Variants in PCDHGA1 observed in about 807,000 individuals in gnomAD.
PCDHGA1 encodes the protein protocadherin gamma-A1.
In PCDHGA1, 32 loss-of-function variants were observed where a neutral mutation model predicts 58.0. The observed-to-expected ratio is 0.55, with a 90% CI of 0.42 to 0.74. The LOEUF (loss-of-function observed/expected upper bound fraction) is 0.74. Among genes scored for constraint, PCDHGA1 ranks in the 30% least tolerant of loss-of-function variants. PCDHGA1 has a pLI of 0.00. For missense variants in PCDHGA1, 1,205 were observed against 1,182.3 expected (o/e 1.02, Z -0.28); for synonymous variants, 498 against 501.1 (o/e 0.99, Z 0.08).
rs919375073 is a variant in PCDHGA1 at position 141,490,642 on chromosome 5, C to A, written c.2422-4165C>A. On this transcript the variant is annotated intron_variant, in intron 1 of 3. Coordinates refer to ENST00000517417, the MANE Select transcript of PCDHGA1 (RefSeq NM_018912.3). This position sits in a 1 kb window ranked among gnomAD's most constrained non-coding sequence, Gnocchi z 5.4. ...CACTGCTTACATCCTAGAAAACCGG[C>A]CTCCGGGCTCCCTTCTTTGCACTGT... 4.3e-6 allele frequency: 7 copies of A among 1,614,102 alleles called. No individual in the cohort carries two copies. In the African/African-American group the frequency reaches 6.7e-5, roughly 15 times the overall value.
At chr5:141,442,689 G>A (rs966261716) in intron 1 of PCDHGA1, among the ~76,000 whole-genome samples, 1 of 152,238 alleles carries the variant, frequency 6.6e-6, no homozygotes, top group South Asian at 2.1e-4. Context: ...CAGTAGTCAG[G>A]CAGACAAGAG....
chr5:141,504,937 G>A (rs1350441435), intron 2 of PCDHGA1, among the ~76,000 whole-genome samples: 2 of 152,054 alleles, frequency 1.3e-5, no homozygotes, highest in East Asian at 1.9e-4. Context: ...GGTGGGTGGG[G>A]GAATGCACTA....
intron 1 of PCDHGA1, chr5:141,418,778 T>C (rs1256260275): frequency 6.2e-7 from 1 of 1,613,744 alleles, no homozygotes; most frequent in Non-Finnish European, 8.5e-7. Context: ...TCAGCAGCCT[T>C]TGGATTTTGA....
intron 1 of PCDHGA1, chr5:141,341,676 C>G (rs1015055420): frequency 1.7e-6 from 1 of 594,596 alleles, no homozygotes; most frequent in Non-Finnish European, 2.8e-6. Flanking sequence ...GTTTCTTATA[C>G]TTTCTTCTCC....
intron 1 of PCDHGA1, among the ~76,000 whole-genome samples, chr5:141,369,266 C>T (rs1021396846): frequency 2.0e-5 from 3 of 152,132 alleles, no homozygotes; most frequent in African/African-American, 7.2e-5. Context: ...ATTATAAGGA[C>T]TTACAATTCA....
chr5:141,393,893 T>C (rs761049644), intron 1 of PCDHGA1: 7 of 1,614,034 alleles, frequency 4.3e-6, no homozygotes, highest in Non-Finnish European at 5.1e-6. Flanking sequence ...TAGAAAATTC[T>C]CTTCCCGGGA....
Position 141,485,468 on chromosome 5 carries a change from A to G in PCDHGA1, c.2422-9339A>G. On this transcript the variant is annotated intron_variant, in intron 1 of 3. Coordinates refer to ENST00000517417, the MANE Select transcript of PCDHGA1 (RefSeq NM_018912.3). This position sits in a 1 kb window ranked among gnomAD's most constrained non-coding sequence, Gnocchi z 5.7. The stretch of plus-strand genomic sequence containing the variant: ...CGACCGAGAGGCACTGTGTGGGCTC[A>G]GTGCCAGCTGCATCGTGCCCCTGGA... 1 of 1,614,166 alleles carries G rather than the reference A, an allele frequency of 6.2e-7. No homozygotes were observed. Among genetic ancestry groups the G allele is most frequent in the Non-Finnish European group, 8.5e-7 (1 of 1,180,020 alleles).
At chr5:141,466,508 T>C (rs2099123841) in intron 1 of PCDHGA1, among the ~76,000 whole-genome samples, 1 of 152,190 alleles carries the variant, frequency 6.6e-6, no homozygotes, top group African/African-American at 2.4e-5. Context: ...ACAGACAAGA[T>C]CATTTTTTTT....
At chr5:141,378,957 A>T (rs1303880032) in intron 1 of PCDHGA1, 2 of 152,224 alleles carry the variant, frequency 1.3e-5, no homozygotes, top group Non-Finnish European at 2.9e-5. Context: ...AGTACAGGGG[A>T]TTCTCTAATT....
chr5:141,441,633 C>T, intron 1 of PCDHGA1: 1 of 226,756 alleles, frequency 4.4e-6, no homozygotes, highest in Non-Finnish European at 8.9e-6. Flanking sequence ...CCTGGAGCCA[C>T]AGGCGCTGTG....
intron 1 of PCDHGA1, among the ~76,000 whole-genome samples, chr5:141,438,647 CACACAT>C (rs1324641788): frequency 3.8e-5 from 4 of 106,486 alleles, no homozygotes; most frequent in South Asian, 2.8e-4. Flanking sequence ...CACACACACA[CACACAT>C]ATATGTATAT....
chr5:141,393,304 T>A, intron 1 of PCDHGA1: 1 of 1,613,798 alleles, frequency 6.2e-7, no homozygotes, highest in African/African-American at 1.3e-5. Flanking sequence ...GATGTGGGCG[T>A]GAACTCCCTC....
intron 1 of PCDHGA1, chr5:141,379,491 C>T (rs1173749207): frequency 6.6e-6 from 1 of 152,150 alleles, no homozygotes; most frequent in Non-Finnish European, 1.5e-5. Context: ...ACTATACTAC[C>T]AATTTGGGAT....
intron 1 of PCDHGA1, among the ~76,000 whole-genome samples, chr5:141,473,736 G>A (rs1278322296): frequency 1.3e-5 from 2 of 152,202 alleles, no homozygotes; most frequent in Non-Finnish European, 2.9e-5. Flanking sequence ...AGAGGGAGAA[G>A]ACATGAGAAC....
chr5:141,373,804 T>C, intron 1 of PCDHGA1: 1 of 335,232 alleles, frequency 3.0e-6, no homozygotes, highest in Non-Finnish European at 5.4e-6. Flanking sequence ...ATCCTCTGTG[T>C]GATAGTTTCA....
chr5:141,480,074 A>G (rs976924380), intron 1 of PCDHGA1, among the ~76,000 whole-genome samples: 5 of 152,196 alleles, frequency 3.3e-5, no homozygotes, highest in Non-Finnish European at 7.3e-5. Flanking sequence ...TATAAGATTC[A>G]TGCATGATAT....
chr5:141,419,007 GGT>G (rs1181124538), intron 1 of PCDHGA1: 1 of 1,613,978 alleles, frequency 6.2e-7, no homozygotes, highest in South Asian at 1.1e-5. Flanking sequence ...GGGGAAGTCA[GGT>G]GTAGCTTAAG....
In PCDHGA1 at chr5:141,352,029, T is replaced by C. The variant is rs1223261713; in HGVS notation, c.2421+18924T>C. 6.2e-7 allele frequency: 1 copy of C among 1,609,078 alleles called. No individual in the cohort carries two copies. Among genetic ancestry groups the C allele is most frequent in the Non-Finnish European group, 8.5e-7 (1 of 1,179,056 alleles). On this transcript the variant is annotated intron_variant, in intron 1 of 3. Transcript: ENST00000517417. Reference sequence around the variant, plus strand: ...TACCTGGTGACCAAGGTGGTGGCGGTGGACGCAGACTCAGGACACAACGCT... The same window carrying C: ...TACCTGGTGACCAAGGTGGTGGCGGCGGACGCAGACTCAGGACACAACGCT...
At chr5:141,369,400 T>A (rs1766214722) in intron 1 of PCDHGA1, among the ~76,000 whole-genome samples, 2 of 152,120 alleles carry the variant, frequency 1.3e-5, no homozygotes, top group Non-Finnish European at 2.9e-5. Flanking sequence ...GCCAGGGTGG[T>A]TCATGACTAT....
Sources: allele counts gnomAD v4.1 joint callset (sites outside exome capture counted in the v4.1 genomes callset), GRCh38; gene constraint gnomAD v4.1.1; non-coding constraint Gnocchi (gnomAD v3.1); transcripts MANE v1.5; gene names NCBI Gene and HGNC (gene_info 2026-07-23, HGNC 2026-07-21).